Variants in GPC5 observed in about 807,000 individuals in gnomAD.
The protein encoded by GPC5 is glypican-5.
In GPC5, 47 loss-of-function variants were observed where a neutral mutation model predicts 53.9. That is an observed-to-expected ratio of 0.87 (90% CI 0.69 to 1.11). The LOEUF (loss-of-function observed/expected upper bound fraction) is 1.11, where lower values mean the gene tolerates loss of function less well. Ranked by LOEUF, GPC5 falls within the 50% of genes most tolerant of loss-of-function variation. The pLI, the probability that GPC5 is intolerant of heterozygous loss-of-function variation, is 0.00. For missense variants in GPC5, 748 were observed against 713.1 expected, an observed-to-expected ratio of 1.05 and a Z score of -0.56; for synonymous variants, 286 against 263.3, an observed-to-expected ratio of 1.09 and a Z score of -0.84.
At chr13:91,512,919 G>T (rs926708033) in intron 2 of GPC5, among the ~76,000 whole-genome samples, 7 of 151,988 alleles carry the variant, frequency 4.6e-5, no homozygotes, top group Non-Finnish European at 1.0e-4. Context: ...ATTAAGGGTA[G>T]AAAAAAGTTT....
intron 7 of GPC5, among the ~76,000 whole-genome samples, chr13:92,651,818 T>TA (rs142028154): frequency 1.3e-5 from 2 of 152,146 alleles, no homozygotes; most frequent in Non-Finnish European, 2.9e-5. Flanking sequence ...AAAAGCTTAT[T>TA]AAAAAGAAAT....
chr13:92,523,506 A>C (rs1264658229), intron 7 of GPC5, among the ~76,000 whole-genome samples: 1 of 152,126 alleles, frequency 6.6e-6, no homozygotes, highest in East Asian at 1.9e-4. Flanking sequence ...GATTTTGTAA[A>C]TACATACACA....
intron 7 of GPC5, among the ~76,000 whole-genome samples, chr13:92,649,940 T>C (rs546727950): frequency 2.0e-5 from 3 of 152,286 alleles, no homozygotes; most frequent in African/African-American, 4.8e-5. Flanking sequence ...ACTCATTTTA[T>C]GCCTCAGAAA....
At chr13:91,994,720 T>C (rs543556108) in intron 6 of GPC5, 2 of 152,324 alleles carry the variant, frequency 1.3e-5, no homozygotes, top group East Asian at 1.9e-4. Context: ...TTCAGCTCAC[T>C]ACTTTCATTG....
intron 7 of GPC5, among the ~76,000 whole-genome samples, chr13:92,537,426 A>C (rs1428693393): frequency 6.6e-6 from 1 of 152,168 alleles, no homozygotes; most frequent in Non-Finnish European, 1.5e-5. Flanking sequence ...AAGGAGTTTT[A>C]ATTTTTATGT....
chr13:91,784,320 G>A (rs1332245638), intron 5 of GPC5, among the ~76,000 whole-genome samples: 4 of 152,128 alleles, frequency 2.6e-5, no homozygotes, highest in South Asian at 4.1e-4. Flanking sequence ...CTTCATCTGA[G>A]TAAAAAGTCC....
At chr13:92,610,030 C>CAAAAAAAAAAAAA (rs56913637) in intron 7 of GPC5, among the ~76,000 whole-genome samples, 3 of 70,838 alleles carry the variant, frequency 4.2e-5, no homozygotes, top group African/African-American at 5.3e-5. Flanking sequence ...GACTCCATCT[C>CAAAAAAAAAAAAA]AAAAAAAAAA....
At position 91,729,999 on chromosome 13, in the gene GPC5, T is replaced by G. The variant is rs570829903; in HGVS notation, c.1154+1334T>G. ...TCTATCCTGGCCACTGAATAGACCT[T>G]CTTGTCACCAATCTTGCAAACTCAT... On this transcript the variant is annotated intron_variant, in intron 4 of 7. Transcript: ENST00000377067. 8.5e-5 allele frequency among the ~76,000 whole-genome samples: 13 copies of G among 152,312 alleles called. No individual in the cohort carries two copies. The South Asian group carries it at 2.7e-3, about 32-fold the overall frequency.
At chr13:92,650,170 T>C (rs946476130) in intron 7 of GPC5, among the ~76,000 whole-genome samples, 9 of 152,174 alleles carry the variant, frequency 5.9e-5, no homozygotes, top group Non-Finnish European at 1.3e-4. Context: ...TTCAGTGTTA[T>C]TGTTTGTATG....
At chr13:92,779,421 A>G (rs1388200135) in intron 7 of GPC5, among the ~76,000 whole-genome samples, 1 of 152,172 alleles carries the variant, frequency 6.6e-6, no homozygotes, top group African/African-American at 2.4e-5. Context: ...GTCGGAATAA[A>G]GCAATTTCAA....
intron 7 of GPC5, among the ~76,000 whole-genome samples, chr13:92,362,363 A>G (rs1024227450): frequency 4.6e-5 from 7 of 151,978 alleles, no homozygotes; most frequent in African/African-American, 1.7e-4. Context: ...TGGAAACATT[A>G]TAAGTGAAAC....
chr13:92,404,014 CAT>C (rs1875677335), intron 7 of GPC5, among the ~76,000 whole-genome samples: 1 of 152,078 alleles, frequency 6.6e-6, no homozygotes, highest in South Asian at 2.1e-4. Context: ...TATTGTATTA[CAT>C]ATGAGTTTTC....
At chr13:92,334,885 G>A (rs1594108202) in intron 7 of GPC5, among the ~76,000 whole-genome samples, 1 of 152,292 alleles carries the variant, frequency 6.6e-6, no homozygotes, top group East Asian at 1.9e-4. Context: ...GGGAAGCTCT[G>A]TCTCTATGGC....
chr13:91,486,826 A>G (rs1352697615), intron 2 of GPC5: 1 of 152,238 alleles, frequency 6.6e-6, no homozygotes, highest in Non-Finnish European at 1.5e-5. Context: ...CTGGAGAGGT[A>G]AAGCAAAGAC....
At chr13:92,072,371 A>T (rs910803338) in intron 6 of GPC5, among the ~76,000 whole-genome samples, 5 of 145,456 alleles carry the variant, frequency 3.4e-5, no homozygotes, top group Non-Finnish European at 7.6e-5. Context: ...GGTTCAAGGG[A>T]TTCTCCTGCC....
chr13:92,117,709 A>G (rs1435452802), intron 6 of GPC5, among the ~76,000 whole-genome samples: 4 of 152,192 alleles, frequency 2.6e-5, no homozygotes, highest in Non-Finnish European at 5.9e-5. Context: ...TTGTAAATTC[A>G]TAAACACTTT....
At position 91,669,269 on chromosome 13, in the gene GPC5, C is replaced by T. The variant is rs536869518; in HGVS notation, c.326-23918C>T. Among the ~76,000 whole-genome samples the T allele has an allele frequency of 2.0e-5, 3 of 152,206 alleles. No homozygotes were observed. The East Asian group carries it at 5.8e-4, about 29-fold the overall frequency. On this transcript the variant is annotated intron_variant, in intron 2 of 7. Transcript: ENST00000377067. ...GAGCACACTGCAAACAAGAGTGAGA[C>T]AAAACATGATTGTTTCAGAGAACAA...
At chr13:91,892,348 G>C (rs545977077) in intron 5 of GPC5, among the ~76,000 whole-genome samples, 1 of 150,994 alleles carries the variant, frequency 6.6e-6, no homozygotes, top group African/African-American at 2.4e-5. Context: ...CTACTTACTT[G>C]TTCCTTTTTA....
At chr13:92,124,622 CAG>C (rs2041679615) in intron 6 of GPC5, among the ~76,000 whole-genome samples, 1 of 152,112 alleles carries the variant, frequency 6.6e-6, no homozygotes, top group South Asian at 2.1e-4. Context: ...ATGTGTTCTG[CAG>C]AGTCAGACTT....
Sources: allele counts gnomAD v4.1 joint callset (sites outside exome capture counted in the v4.1 genomes callset), GRCh38; gene constraint gnomAD v4.1.1; transcripts MANE v1.5; gene names NCBI Gene and HGNC (gene_info 2026-07-23, HGNC 2026-07-21).